Variants in PDE6A observed in about 807,000 individuals in gnomAD.
PDE6A encodes the protein phosphodiesterase 6A, also known as rod cGMP-specific 3',5'-cyclic phosphodiesterase subunit alpha.
Under a neutral mutation model 106.3 loss-of-function variants are expected in PDE6A, and 84 were observed. That is an observed-to-expected ratio of 0.79 (90% confidence interval 0.66 to 0.95). The LOEUF (loss-of-function observed/expected upper bound fraction) is 0.95. Ranked by LOEUF, PDE6A falls within the 40% of genes least tolerant of loss-of-function variation. The pLI is 0.00. For synonymous variants in PDE6A, 394 were observed against 386.6 expected, an observed-to-expected ratio of 1.02 and a Z score of -0.23; for missense variants, 1,052 against 1,084.9, an observed-to-expected ratio of 0.97 and a Z score of 0.43.
At chr5:149,890,969 T>C (rs986726281) in intron 13 of PDE6A, among the ~76,000 whole-genome samples, 1 of 152,224 alleles carries the variant, frequency 6.6e-6, no homozygotes, top group Non-Finnish European at 1.5e-5. Context: ...AACAGTGCTA[T>C]GCACCTGAAT....
At chr5:149,901,006 C>G (rs1382698051) in intron 8 of PDE6A, among the ~76,000 whole-genome samples, 1 of 152,108 alleles carries the variant, frequency 6.6e-6, no homozygotes, top group Non-Finnish European at 1.5e-5. Flanking sequence ...ACCTCCGCTT[C>G]CTGGGTTCAA....
intron 17 of PDE6A, among the ~76,000 whole-genome samples, chr5:149,873,992 C>A (rs987263590): frequency 6.7e-6 from 1 of 148,552 alleles, no homozygotes; most frequent in East Asian, 2.0e-4. Context: ...AGCAACAGAG[C>A]AAGACCCTGT....
chr5:149,910,091 G>A (rs1183127473), intron 6 of PDE6A, among the ~76,000 whole-genome samples: 2 of 152,050 alleles, frequency 1.3e-5, no homozygotes, highest in Non-Finnish European at 2.9e-5. Flanking sequence ...GTTATGAGGT[G>A]CTTGCAAATT....
At chr5:149,885,929 C>T (rs1038597068) in intron 14 of PDE6A, among the ~76,000 whole-genome samples, 3 of 152,182 alleles carry the variant, frequency 2.0e-5, no homozygotes. Flanking sequence ...TCCTCTCTGA[C>T]CTCTTGCTTC....
intron 4 of PDE6A, among the ~76,000 whole-genome samples, chr5:149,926,178 G>C (rs1480168628): frequency 6.6e-6 from 1 of 152,028 alleles, no homozygotes; most frequent in South Asian, 2.1e-4. Flanking sequence ...GGAGTTGGAG[G>C]TTGCAGTGAG....
Position 149,863,396 on chromosome 5 carries a change from G to T in PDE6A, c.2359-130C>A. 1 of 877,802 alleles carries T rather than the reference G, an allele frequency of 1.1e-6. No individual in the cohort carries two copies. The highest frequency in any genetic ancestry group is 1.8e-6 in the Non-Finnish European group (1 of 543,874). The allele number at this position is 877,802 out of a possible 1,614,324, so 54.4% of individuals were successfully genotyped here. ...GGAGTAGCAGGCCTCCCGCCACCGT[G>T]CTGATACTGCAGGGCCTCCGGTCTA... is the stretch of plus-strand genomic sequence containing the variant. On this transcript the variant is annotated intron_variant, in intron 20 of 21. Transcript: ENST00000255266. This position sits in a 1 kb window ranked among gnomAD's most constrained non-coding sequence, Gnocchi z 4.7.
chr5:149,898,223 C>G, intron 10 of PDE6A, 140 bp downstream of exon 10: 2 of 715,970 alleles, frequency 2.8e-6, no homozygotes, highest in Non-Finnish European at 2.5e-6. Context: ...CATCCCTGTG[C>G]TAGGCAGGAA....
chr5:149,896,331 T>G, intron 12 of PDE6A, 25 bp downstream of exon 12: 1 of 1,579,116 alleles, frequency 6.3e-7, no homozygotes, highest in African/African-American at 1.3e-5. Context: ...AAAAGGGAAA[T>G]CATATATATT....
At chr5:149,874,293 AC>A (rs1422692045) in intron 17 of PDE6A, among the ~76,000 whole-genome samples, 1 of 152,162 alleles carries the variant, frequency 6.6e-6, no homozygotes, top group Non-Finnish European at 1.5e-5. Flanking sequence ...TCCCCAAGTT[AC>A]CTACCCTTCT....
At chr5:149,862,760 A>T (rs1486224919) in intron 21 of PDE6A, among the ~76,000 whole-genome samples, 1 of 152,214 alleles carries the variant, frequency 6.6e-6, no homozygotes, top group Admixed American at 6.5e-5. Context: ...TCCGGCTCAA[A>T]AAATAAATAA....
chr5:149,905,697 A>C (rs1318590857), intron 7 of PDE6A, among the ~76,000 whole-genome samples: 1 of 152,114 alleles, frequency 6.6e-6, no homozygotes, highest in Non-Finnish European at 1.5e-5. Context: ...CATGGTAAGC[A>C]CCCAGTGGCT....
At position 149,884,342 on chromosome 5, in the gene PDE6A, A is replaced by G. The variant is rs182703754; in HGVS notation, c.2027+137T>C. 4.8e-3 allele frequency: 3,067 copies of G among 638,026 alleles called. 86 individuals are homozygous for G. In the Admixed American group the frequency reaches 0.049, roughly 10 times the overall value. 39.5% of individuals were successfully genotyped at this position (638,026 alleles called of 1,614,324 possible). ...TATATATGTGTATATATGTATATATATGTGTGTATATATGTGTATATATGT... is the reference window on the plus strand; with the variant it reads ...TATATATGTGTATATATGTATATATGTGTGTGTATATATGTGTATATATGT... On this transcript the variant is annotated intron_variant, in intron 16 of 21. Coordinates refer to ENST00000255266, the MANE Select transcript of PDE6A (RefSeq NM_000440.3).
chr5:149,935,895 T>C (rs1415304862), intron 1 of PDE6A, among the ~76,000 whole-genome samples: 2 of 152,214 alleles, frequency 1.3e-5, no homozygotes, highest in African/African-American at 4.8e-5. Flanking sequence ...TTTACGTCTA[T>C]AATCCCAGCA....
At chr5:149,886,942 G>T (rs1273831173) in intron 13 of PDE6A, among the ~76,000 whole-genome samples, 2 of 152,154 alleles carry the variant, frequency 1.3e-5, no homozygotes, top group African/African-American at 4.8e-5. Flanking sequence ...TCTAAGTGGT[G>T]TTCCTGTCAC....
At chr5:149,903,415 A>G (rs1241562108) in intron 8 of PDE6A, among the ~76,000 whole-genome samples, 5 of 151,372 alleles carry the variant, frequency 3.3e-5, no homozygotes, top group Admixed American at 2.0e-4. Flanking sequence ...GGGGGGAAAA[A>G]TAGATCCTGA....
Position 149,865,418 on chromosome 5 carries a change from AAAAAAACCAGC to A in PDE6A, c.2358+741_2358+751del, listed in dbSNP as rs369659231. On this transcript the variant is annotated intron_variant, in intron 20 of 21. Coordinates refer to ENST00000255266, the MANE Select transcript of PDE6A (RefSeq NM_000440.3). ...GAATGAGACCTGTCTCAAAGAAAAAAAAAAAACCAGCAAAAAACTCATGTCCTCAATGAAAA... is the reference window on the plus strand; with the variant it reads ...GAATGAGACCTGTCTCAAAGAAAAAAAAAAAACTCATGTCCTCAATGAAAA... Among the ~76,000 whole-genome samples the A allele has an allele frequency of 1.5e-3, 232 of 151,348 alleles. 1 individual carries two copies. The highest frequency in any genetic ancestry group is 6.8e-3 in the Middle Eastern group (2 of 294).
intron 8 of PDE6A, 51 bp downstream of exon 8, chr5:149,903,597 G>A: frequency 3.6e-6 from 5 of 1,399,314 alleles, no homozygotes; most frequent in Non-Finnish European, 5.1e-6. Flanking sequence ...AATGCTCTTT[G>A]GGGAGGAAAA....
At chr5:149,932,498 C>A in intron 3 of PDE6A, 1 of 1,369,044 alleles carries the variant, frequency 7.3e-7, no homozygotes, top group Non-Finnish European at 1.0e-6. Context: ...CTACAACAAT[C>A]CTCTCTGGAA....
intron 17 of PDE6A, among the ~76,000 whole-genome samples, chr5:149,870,771 CAAAAAAAAAAA>C (rs3078093): frequency 1.6e-5 from 1 of 64,408 alleles, no homozygotes; most frequent in East Asian, 5.2e-4. Flanking sequence ...GAACACAGGG[CAAAAAAAAAAA>C]AAAAAAAAAA....
Sources: gnomAD v4.1 joint callset for allele counts (sites outside exome capture counted in the v4.1 genomes callset) on GRCh38, gnomAD v4.1.1 for gene constraint, Gnocchi (gnomAD v3.1) non-coding constraint, MANE v1.5 for transcripts, NCBI Gene and HGNC (gene_info 2026-07-23, HGNC 2026-07-21) for gene names.